TRIM22: variants seen among roughly 807,000 people sequenced by gnomAD.
TRIM22 encodes E3 ubiquitin-protein ligase TRIM22.
In TRIM22, 45 loss-of-function variants were observed where a neutral mutation model predicts 53.6. The ratio of observed to expected loss-of-function variants is 0.84; its 90% confidence interval spans 0.66 to 1.08. The LOEUF (loss-of-function observed/expected upper bound fraction) is 1.08. TRIM22 is among the 50% of genes least tolerant of loss of function. The probability of loss-of-function intolerance (pLI) is 0.00; values close to 1 mark genes in which losing one functional copy is unlikely to be tolerated. For synonymous variants in TRIM22, 225 were observed against 216.6 expected (o/e 1.04, Z -0.34); for missense variants, 616 against 590.9 (o/e 1.04, Z -0.44).
intron 4 of TRIM22, 48 bp downstream of exon 4, chr11:5,698,593 C>A: frequency 6.8e-7 from 1 of 1,474,452 alleles, no homozygotes; most frequent in Non-Finnish European, 9.3e-7. Flanking sequence ...GGGAAAAACA[C>A]AGAGGCCGAT....
Position 5,697,284 on chromosome 11 carries a change from G to A in TRIM22, c.460G>A (p.Glu154Lys), listed in dbSNP as rs1355183466. The A allele has an allele frequency of 1.9e-6, 3 of 1,613,514 alleles. No individual in the cohort carries two copies. The highest frequency in any genetic ancestry group is 2.7e-5 in the African/African-American group (2 of 74,902). Residue 154 changes from glutamate to lysine, a missense_variant, in exon 3 of 8, where the codon GAG (glutamate) becomes AAG (lysine). Glu to Lys is a moderately conservative substitution (Grantham distance 56). Coordinates refer to ENST00000379965, the MANE Select transcript of TRIM22 (RefSeq NM_006074.5). ...LQVALQRLIK[E>K]DQEAEKLEDD... ...GGTAGCCCTGCAGAGGCTGATAAAG[G>A]AGGATCAAGAGGCTGAGAAGCTGGA...
chr11:5,709,582 T>C lies in TRIM22; in HGVS notation c.1431T>C (p.Pro477=), dbSNP rs200451812. The change falls in exon 8 of 8, where the codon CCT becomes CCC. Residue 477 remains proline (P), a synonymous_variant. Coordinates refer to ENST00000379965, the MANE Select transcript of TRIM22 (RefSeq NM_006074.5). ...TCTCTGGATGTCGCTTTTCTCGACC[T>C]GCTTATCCGTATTTCAATCCTTGGA... ...YKFSGCRFSR[P]AYPYFNPWNC... 5 of 1,613,654 alleles carry C rather than the reference T, an allele frequency of 3.1e-6. No homozygotes were observed. Among genetic ancestry groups the C allele is most frequent in the Non-Finnish European group, 4.2e-6 (5 of 1,180,034 alleles).
chr11:5,705,884 A>G (rs959465684), intron 4 of TRIM22, among the ~76,000 whole-genome samples: 2 of 152,150 alleles, frequency 1.3e-5, no homozygotes, highest in Non-Finnish European at 2.9e-5. Context: ...TTCATACTGA[A>G]AAATGTATGA....
intron 1 of TRIM22, among the ~76,000 whole-genome samples, chr11:5,692,038 A>G (rs1432354060): frequency 6.6e-6 from 1 of 152,242 alleles, no homozygotes; most frequent in African/African-American, 2.4e-5. Flanking sequence ...AAACAAAAAA[A>G]CTATCTATTC....
At chr11:5,701,940 C>G (rs1341293439) in intron 4 of TRIM22, among the ~76,000 whole-genome samples, 2 of 151,738 alleles carry the variant, frequency 1.3e-5, no homozygotes, top group Non-Finnish European at 2.9e-5. Context: ...CGTACTTGCT[C>G]TTTGCTTTTT....
At chr11:5,697,697 T>TC (rs1853290213) in intron 3 of TRIM22, 2 of 186,714 alleles carry the variant, frequency 1.1e-5, no homozygotes, top group African/African-American at 6.0e-5. Flanking sequence ...GTAGGGGGAT[T>TC]TTTTTGTTTG....
At position 5,702,185 on chromosome 11, in the gene TRIM22, A is replaced by G. The variant is rs201227045; in HGVS notation, c.750+3640A>G. Reference sequence around the variant, plus strand: ...TATATATTACATATACATAACTAATATATATTAGTTATATATTATATATAC... The same window carrying G: ...TATATATTACATATACATAACTAATGTATATTAGTTATATATTATATATAC... On this transcript the variant is annotated intron_variant, in intron 4 of 7. Transcript: ENST00000379965. 3.1e-4 allele frequency among the ~76,000 whole-genome samples: 45 copies of G among 145,524 alleles called. No homozygotes were observed. The East Asian group carries it at 8.6e-3, about 28-fold the overall frequency.
intron 4 of TRIM22, among the ~76,000 whole-genome samples, chr11:5,699,389 T>C (rs1480864958): frequency 7.0e-6 from 1 of 143,400 alleles, no homozygotes; most frequent in African/African-American, 2.8e-5. Context: ...CCGGGCGCGG[T>C]GGCGGGCGCC....
At chr11:5,706,568 A>T (rs1406555465) in intron 4 of TRIM22, 26 bp from the exon 5 acceptor site, 1 of 1,611,214 alleles carries the variant, frequency 6.2e-7, no homozygotes, top group South Asian at 1.1e-5. Context: ...CCCTATCTTG[A>T]CTCATGTTTT....
chr11:5,698,511 G>A lies in TRIM22; in HGVS notation c.716G>A (p.Arg239Gln), dbSNP rs201523218. Residue 239 changes from arginine (R) to glutamine (Q), a missense_variant, in exon 4 of 8, where the codon CGG becomes CAG. Arg to Gln is a conservative substitution (Grantham distance 43, BLOSUM62 1). Transcript: ENST00000379965. ...DASTLISDLQRRLRGSSVEML... is the reference protein window; with the variant it reads ...DASTLISDLQQRLRGSSVEML... ...AGCACGCTCATCTCAGATCTCCAGC[G>A]GAGGTTGAGGGGATCGTCAGTAGAG... 371 of 1,613,832 alleles carry A rather than the reference G, an allele frequency of 2.3e-4. 1 individual carries two copies. Among genetic ancestry groups the A allele is most frequent in the East Asian group, 7.8e-4 (35 of 44,880 alleles).
intron 6 of TRIM22, 143 bp from the exon 7 acceptor site, chr11:5,708,434 C>G: frequency 1.0e-6 from 1 of 981,376 alleles, no homozygotes; most frequent in South Asian, 1.6e-5. Flanking sequence ...GGGGGAATGA[C>G]CAGGTGTCTG....
chr11:5,704,172 C>T (rs1262885471), intron 4 of TRIM22, among the ~76,000 whole-genome samples: 1 of 152,180 alleles, frequency 6.6e-6, no homozygotes, highest in African/African-American at 2.4e-5. Context: ...AATCATTCTA[C>T]CAAACCAAAT....
At chr11:5,698,833 T>A (rs1279357712) in intron 4 of TRIM22, among the ~76,000 whole-genome samples, 1 of 152,184 alleles carries the variant, frequency 6.6e-6, no homozygotes, top group East Asian at 1.9e-4. Flanking sequence ...AACTTTCCCA[T>A]CACATCAAAA....
intron 3 of TRIM22, chr11:5,698,082 A>AT: frequency 4.3e-6 from 2 of 469,262 alleles, no homozygotes; most frequent in Non-Finnish European, 7.8e-6. Context: ...CAGGCATCAC[A>AT]TTTTGTCTCA....
chr11:5,696,691 C>A (rs1430414225), intron 2 of TRIM22, 36 bp downstream of exon 2: 3 of 1,569,728 alleles, frequency 1.9e-6, no homozygotes, highest in Non-Finnish European at 2.6e-6. Context: ...GAGCAGAGAG[C>A]AGAAGATGGT....
rs1036282545 is a variant in TRIM22 at position 5,708,700 on chromosome 11, C to T, written c.901+97C>T. ...TCTCATGTGTTCCTCCCCAAACATG[C>T]TTAAACCATGTAGTTCTTTTTTTTT... On this transcript the variant is annotated intron_variant, in intron 7 of 7. Coordinates refer to ENST00000379965, the MANE Select transcript of TRIM22 (RefSeq NM_006074.5). 1.9e-5 allele frequency: 20 copies of T among 1,076,086 alleles called. No individual in the cohort carries two copies. In the Admixed American group the frequency reaches 2.1e-4, roughly 12 times the overall value. The allele number at this position is 1,076,086 out of a possible 1,614,324, so 66.7% of individuals were successfully genotyped here.
At chr11:5,698,810 A>G in intron 4 of TRIM22, among the ~76,000 whole-genome samples, 1 of 152,320 alleles carries the variant, frequency 6.6e-6, no homozygotes. Context: ...TACCATGAGC[A>G]TATCAGTTTT....
rs567454203 is a variant in TRIM22 at position 5,707,925 on chromosome 11, C to T, written c.774-248C>T. On this transcript the variant is annotated intron_variant, in intron 5 of 7. Coordinates refer to ENST00000379965, the MANE Select transcript of TRIM22 (RefSeq NM_006074.5). The stretch of plus-strand genomic sequence containing the variant: ...TTATTGCATTTTAAAAGTAAGAAAG[C>T]GAACATCGTTGAAGTGAAGACCTTC... Among the ~76,000 whole-genome samples, 13 of 152,248 alleles carry T rather than the reference C, an allele frequency of 8.5e-5. No homozygotes were observed. The South Asian group carries it at 1.5e-3, about 17-fold the overall frequency.
chr11:5,704,329 C>A (rs1480318998), intron 4 of TRIM22, among the ~76,000 whole-genome samples: 1 of 151,926 alleles, frequency 6.6e-6, no homozygotes, highest in African/African-American at 2.4e-5. Context: ...ACACGCTAGT[C>A]TTTTTCTTGA....
Sources: allele counts gnomAD v4.1 joint callset (sites outside exome capture counted in the v4.1 genomes callset), GRCh38; gene constraint gnomAD v4.1.1; transcripts MANE v1.5; gene names NCBI Gene and HGNC (gene_info 2026-07-23, HGNC 2026-07-21).